Variants in ANGPT1 observed in about 807,000 individuals in gnomAD.
The protein encoded by ANGPT1 is angiopoietin-1.
Under a neutral mutation model 62.2 loss-of-function variants are expected in ANGPT1, and 17 were observed. That is an observed-to-expected ratio of 0.27 (90% CI 0.19 to 0.41). The LOEUF (loss-of-function observed/expected upper bound fraction) is 0.41. ANGPT1 is among the 10% of genes least tolerant of loss of function. The probability of loss-of-function intolerance (pLI) is 1.00; values close to 1 mark genes in which losing one functional copy is unlikely to be tolerated. For missense variants in ANGPT1, 478 were observed against 594.9 expected, an observed-to-expected ratio of 0.80 and a Z score of 2.04; for synonymous variants, 199 against 198.9, an observed-to-expected ratio of 1.00 and a Z score of 0.00.
intron 7 of ANGPT1, among the ~76,000 whole-genome samples, chr8:107,281,547 G>C (rs1170453599): frequency 6.6e-6 from 1 of 152,116 alleles, no homozygotes; most frequent in Admixed American, 6.6e-5. Flanking sequence ...GGGAGGCTGA[G>C]GCGTGCGGAT....
chr8:107,440,221 C>T (rs1811439143), intron 1 of ANGPT1, among the ~76,000 whole-genome samples: 1 of 152,176 alleles, frequency 6.6e-6, no homozygotes, highest in Admixed American at 6.5e-5. Flanking sequence ...TCTTGACTTG[C>T]TCAGAGAATG....
intron 1 of ANGPT1, among the ~76,000 whole-genome samples, chr8:107,387,605 A>C (rs991660906): frequency 6.6e-6 from 1 of 151,848 alleles, no homozygotes; most frequent in African/African-American, 2.4e-5. Context: ...CGTACTATTT[A>C]TTTTTGCTCA....
At chr8:107,329,630 CTATAAG>C (rs2130094301) in intron 3 of ANGPT1, among the ~76,000 whole-genome samples, 1 of 151,094 alleles carries the variant, frequency 6.6e-6, no homozygotes, top group Admixed American at 6.6e-5. Flanking sequence ...GTTTTTTCCA[CTATAAG>C]TATTTTTATT....
intron 5 of ANGPT1, among the ~76,000 whole-genome samples, chr8:107,298,031 C>T (rs1267489463): frequency 2.6e-5 from 4 of 151,804 alleles, no homozygotes; most frequent in African/African-American, 7.3e-5. Context: ...ATTAACTATG[C>T]CTATTGCATT....
At chr8:107,320,066 T>C (rs989455681) in intron 4 of ANGPT1, among the ~76,000 whole-genome samples, 4 of 152,202 alleles carry the variant, frequency 2.6e-5, no homozygotes, top group Non-Finnish European at 4.4e-5. Flanking sequence ...TTATTATTAC[T>C]ATTTTTGGAT....
intron 1 of ANGPT1, among the ~76,000 whole-genome samples, chr8:107,458,441 T>C (rs1199557672): frequency 6.6e-6 from 1 of 152,154 alleles, no homozygotes; most frequent in Non-Finnish European, 1.5e-5. Context: ...GGGTTAGACA[T>C]GCTTCTAGTC....
rs1357155352 is a variant in ANGPT1, at chr8:107,250,192, A to T, written c.*1663T>A. ...CTGTCTCTTTTATGAGAGGAGGCCCAGTAGCTTTATTTCAATTTTCTCATC... is the reference window on the plus strand; with the variant it reads ...CTGTCTCTTTTATGAGAGGAGGCCCTGTAGCTTTATTTCAATTTTCTCATC... On this transcript the variant is annotated 3_prime_UTR_variant, in exon 9 of 9. Transcript: ENST00000517746. 1 of 152,180 alleles carries T rather than the reference A, an allele frequency of 6.6e-6. No individual in the cohort carries two copies. Among genetic ancestry groups the T allele is most frequent in the Non-Finnish European group, 1.5e-5 (1 of 68,004 alleles). The allele number at this position is 152,180 out of a possible 1,614,324, so 9.4% of individuals were successfully genotyped here.
chr8:107,386,355 A>G (rs1816731599), intron 1 of ANGPT1, among the ~76,000 whole-genome samples: 1 of 152,124 alleles, frequency 6.6e-6, no homozygotes, highest in Non-Finnish European at 1.5e-5. Context: ...CAATTTACCC[A>G]TGTAACAAAC....
At position 107,303,233 on chromosome 8, in the gene ANGPT1, G is replaced by A. The variant is rs773111411; in HGVS notation, c.936+7C>T. The A allele has an allele frequency of 6.2e-7, 1 of 1,608,658 alleles. No individual in the cohort carries two copies. The highest frequency in any genetic ancestry group is 1.7e-5 in the Admixed American group (1 of 59,516). ...TACATCTTGTAAACAAACACTTCTG[G>A]TTTTACCTTTTTGGGTTCTGGCATA... On this transcript the variant is annotated splice_region_variant and intron_variant, in intron 5 of 8. Coordinates refer to ENST00000517746, the MANE Select transcript of ANGPT1 (RefSeq NM_001146.5).
At chr8:107,457,937 T>C (rs943982696) in intron 1 of ANGPT1, among the ~76,000 whole-genome samples, 1 of 151,798 alleles carries the variant, frequency 6.6e-6, no homozygotes. Flanking sequence ...AGTGAGTTAG[T>C]AAGCAAACTG....
chr8:107,405,106 T>C (rs1817122359), intron 1 of ANGPT1, among the ~76,000 whole-genome samples: 1 of 151,924 alleles, frequency 6.6e-6, no homozygotes, highest in Admixed American at 6.6e-5. Flanking sequence ...CCAGTACATA[T>C]CAAGAATAAA....
intron 1 of ANGPT1, among the ~76,000 whole-genome samples, chr8:107,353,376 G>A (rs1161900442): frequency 6.6e-6 from 1 of 152,158 alleles, no homozygotes; most frequent in Non-Finnish European, 1.5e-5. Context: ...TCACTAGGCT[G>A]AGCCAACAAC....
At chr8:107,349,355 T>A (rs1233915310) in intron 1 of ANGPT1, among the ~76,000 whole-genome samples, 2 of 152,076 alleles carry the variant, frequency 1.3e-5, no homozygotes, top group Admixed American at 1.3e-4. Flanking sequence ...TGATTTAGAT[T>A]TTTAACACTT....
At chr8:107,312,738 T>G (rs988600473) in intron 4 of ANGPT1, among the ~76,000 whole-genome samples, 4 of 152,134 alleles carry the variant, frequency 2.6e-5, no homozygotes, top group Non-Finnish European at 5.9e-5. Context: ...TCATAAAGTA[T>G]GTAGGTTTGT....
intron 7 of ANGPT1, among the ~76,000 whole-genome samples, chr8:107,277,506 C>T (rs189905480): frequency 5.1e-4 from 78 of 152,200 alleles, no homozygotes; most frequent in Non-Finnish European, 1.0e-3. Context: ...ATACTACCTT[C>T]CCACAACCAT....
chr8:107,453,897 C>T (rs1811847159), intron 1 of ANGPT1, among the ~76,000 whole-genome samples: 1 of 151,374 alleles, frequency 6.6e-6, no homozygotes, highest in South Asian at 2.1e-4. Context: ...TTTATAGAGT[C>T]ACCATAGTTT....
intron 1 of ANGPT1, among the ~76,000 whole-genome samples, chr8:107,406,845 T>C (rs1817158237): frequency 6.6e-6 from 1 of 151,364 alleles, no homozygotes; most frequent in African/African-American, 2.4e-5. Flanking sequence ...TAAATAATTA[T>C]TTTTATATTT....
chr8:107,276,605 G>A (rs1586179845), intron 7 of ANGPT1, among the ~76,000 whole-genome samples: 1 of 143,660 alleles, frequency 7.0e-6, no homozygotes, highest in African/African-American at 2.6e-5. Flanking sequence ...ATACATACAC[G>A]GCATGGGAGT....
At chr8:107,352,105 C>T (rs922022859) in intron 1 of ANGPT1, among the ~76,000 whole-genome samples, 3 of 152,120 alleles carry the variant, frequency 2.0e-5, no homozygotes, top group Admixed American at 1.3e-4. Context: ...GAAGGAATGT[C>T]ACTCATCAAA....
Sources: allele counts gnomAD v4.1 joint callset (sites outside exome capture counted in the v4.1 genomes callset), GRCh38; gene constraint gnomAD v4.1.1; transcripts MANE v1.5; gene names NCBI Gene and HGNC (gene_info 2026-07-23, HGNC 2026-07-21).